THOC1: variants seen among roughly 807,000 people sequenced by gnomAD.
The protein encoded by THOC1 is THO complex subunit 1, also known as THO complex 1.
A neutral mutation model predicts 97.3 loss-of-function variants in THOC1; 29 were observed. The observed-to-expected ratio is 0.30, with a 90% CI of 0.22 to 0.41. The LOEUF (loss-of-function observed/expected upper bound fraction) is 0.41, where lower values mean the gene tolerates loss of function less well. Ranked by LOEUF, THOC1 falls within the 10% of genes least tolerant of loss-of-function variation. The probability of loss-of-function intolerance (pLI) is 1.00; values close to 1 mark genes in which losing one functional copy is unlikely to be tolerated. For missense variants in THOC1, 529 were observed against 761.9 expected, an observed-to-expected ratio of 0.69 and a Z score of 3.60; for synonymous variants, 255 against 257.0, an observed-to-expected ratio of 0.99 and a Z score of 0.07.
At chr18:265,243 T>A in intron 3 of THOC1, 60 bp downstream of exon 3, 1 of 1,403,732 alleles carries the variant, frequency 7.1e-7, no homozygotes, top group Non-Finnish European at 9.6e-7. Context: ...AAAGCAATTT[T>A]TAAATAACAT....
At chr18:224,434 C>G (rs1911203382) in intron 15 of THOC1, among the ~76,000 whole-genome samples, 1 of 151,896 alleles carries the variant, frequency 6.6e-6, no homozygotes, top group Non-Finnish European at 1.5e-5. Flanking sequence ...CAAAAATTAG[C>G]CAGGCATGGT....
chr18:252,998 A>G (rs72856271), intron 8 of THOC1, among the ~76,000 whole-genome samples: 32,786 of 152,198 alleles, frequency 0.22, 3,995 homozygotes, highest in South Asian at 0.35. Context: ...TCCAACCAAC[A>G]TATAATAAGT....
chr18:214,971 G>GA (rs1230107645), intron 20 of THOC1, 50 bp from the exon 21 acceptor site: 4 of 1,561,536 alleles, frequency 2.6e-6, no homozygotes, highest in Non-Finnish European at 3.5e-6. Flanking sequence ...GTATACAACA[G>GA]AAATGGAAAG....
chr18:265,248 T>A, intron 3 of THOC1, 55 bp downstream of exon 3: 1 of 1,421,508 alleles, frequency 7.0e-7, no homozygotes, highest in South Asian at 1.3e-5. Context: ...AATTTTTAAA[T>A]AACATGGTTT....
chr18:216,110 C>T (rs1440229471), intron 19 of THOC1: 3 of 168,320 alleles, frequency 1.8e-5, no homozygotes, highest in African/African-American at 4.8e-5. Flanking sequence ...CGTGCCACCA[C>T]ACCTGGCTAA....
chr18:228,903 C>T (rs1475232504), intron 11 of THOC1, among the ~76,000 whole-genome samples: 2 of 152,190 alleles, frequency 1.3e-5, no homozygotes, highest in Non-Finnish European at 2.9e-5. Context: ...ATTCTCTCTC[C>T]TACTCTTCAC....
chr18:216,416 T>C, intron 19 of THOC1, 70 bp downstream of exon 19: 6 of 1,521,822 alleles, frequency 3.9e-6, no homozygotes, highest in Non-Finnish European at 5.3e-6. Context: ...AGTTTTTTGC[T>C]CACATAGTGA....
chr18:251,655 A>C (rs947992940), intron 9 of THOC1, among the ~76,000 whole-genome samples: 3 of 152,186 alleles, frequency 2.0e-5, no homozygotes, highest in African/African-American at 7.2e-5. Context: ...CTAGGTAGTC[A>C]GATTCCCTCC....
rs1470404996 is a variant in THOC1, at chr18:236,346, GATT to G, written c.919-9448_919-9446del. ...GCTTTGCATAACTAGGAAAGAATAAGATTCTTTTTTTTTTTTTTTTTTTTTTTG... is the reference window on the plus strand; with the variant it reads ...GCTTTGCATAACTAGGAAAGAATAAGCTTTTTTTTTTTTTTTTTTTTTTTG... On this transcript the variant is annotated intron_variant, in intron 11 of 20. Transcript: ENST00000261600. Among the ~76,000 whole-genome samples the G allele has an allele frequency of 3.3e-3, 443 of 135,320 alleles. 1 individual carries two copies. Among genetic ancestry groups the G allele is most frequent in the African/African-American group, 0.011 (413 of 37,442 alleles). The allele number at this position is 135,320 out of a possible 152,430, so 88.8% of individuals were successfully genotyped here.
rs193241125 is a variant in THOC1 at position 257,661 on chromosome 18, A to C, written c.520+1519T>G. Among the ~76,000 whole-genome samples the C allele has an allele frequency of 4.0e-3, 612 of 152,320 alleles. 1 individual carries two copies. Among genetic ancestry groups the C allele is most frequent in the African/African-American group, 0.014 (578 of 41,574 alleles). On this transcript the variant is annotated intron_variant, in intron 7 of 20. Coordinates refer to ENST00000261600, the MANE Select transcript of THOC1 (RefSeq NM_005131.3). ...ATGATAACCAGACACACAAAGAGGC[A>C]AGATACCATGAGTGAGAAACAGTCA... is the stretch of plus-strand genomic sequence containing the variant.
rs1280754536 is a variant in THOC1 at position 260,321 on chromosome 18, A to T, written c.257-17T>A. The T allele has an allele frequency of 2.7e-6, 4 of 1,464,590 alleles. No individual in the cohort carries two copies. Among genetic ancestry groups the T allele is most frequent in the Non-Finnish European group, 3.6e-6 (4 of 1,101,936 alleles). The allele number at this position is 1,464,590 out of a possible 1,614,324, so 90.7% of individuals were successfully genotyped here. ...TACAAATACCTTCAAGTGGAGCACA[A>T]GCCAATTTAAAAGTTTAAAAAACTG... On this transcript the variant is annotated splice_polypyrimidine_tract_variant and intron_variant, in intron 4 of 20. Transcript: ENST00000261600.
chr18:246,911 C>T (rs979149708), intron 10 of THOC1, among the ~76,000 whole-genome samples: 5 of 112,114 alleles, frequency 4.5e-5, no homozygotes, highest in East Asian at 2.2e-4. Context: ...TGGGAGGCTC[C>T]GTCTCAAAAA....
At chr18:223,559 G>C in intron 16 of THOC1, 54 bp from the exon 17 acceptor site, 1 of 1,359,480 alleles carries the variant, frequency 7.4e-7, no homozygotes, top group Non-Finnish European at 1.0e-6. Flanking sequence ...ATCCTCATGT[G>C]CCTTGAAACT....
intron 4 of THOC1, among the ~76,000 whole-genome samples, chr18:261,548 G>A (rs1161544804): frequency 6.6e-6 from 1 of 152,188 alleles, no homozygotes; most frequent in Non-Finnish European, 1.5e-5. Flanking sequence ...CAAACAGTGA[G>A]CTCCACTAAT....
chr18:238,013 C>A (rs147806228), intron 11 of THOC1, among the ~76,000 whole-genome samples: 1 of 152,022 alleles, frequency 6.6e-6, no homozygotes, highest in Non-Finnish European at 1.5e-5. Flanking sequence ...ATTACAGGCA[C>A]GCACCACCAC....
chr18:258,432 C>T (rs1301523416), intron 7 of THOC1, among the ~76,000 whole-genome samples: 1 of 152,086 alleles, frequency 6.6e-6, no homozygotes, highest in Non-Finnish European at 1.5e-5. Flanking sequence ...TCTATATTAA[C>T]CCTGACCACA....
intron 4 of THOC1, 53 bp downstream of exon 4, chr18:263,973 A>G: frequency 7.3e-7 from 1 of 1,363,478 alleles, no homozygotes; most frequent in Non-Finnish European, 1.0e-6. Flanking sequence ...TTTTAAATAA[A>G]GCATGTCATG....
At position 260,294 on chromosome 18, in the gene THOC1, G is replaced by T. The variant is rs373718262; in HGVS notation, c.267C>A (p.Thr89=). ...CCAACAATACAAAAGGTGTAGATGC[G>T]GTACAAATACCTTCAAGTGGAGCAC... ...AIGGVTEGIC[T]ASTPFVLLGD... The change falls in exon 5 of 21, where the codon ACC becomes ACA. Residue 89 remains threonine, a synonymous_variant. Coordinates refer to ENST00000261600, the MANE Select transcript of THOC1 (RefSeq NM_005131.3). The T allele has an allele frequency of 2.4e-5, 37 of 1,561,534 alleles. No homozygotes were observed. The highest frequency in any genetic ancestry group is 5.8e-5 in the Admixed American group (3 of 51,658).
chr18:260,477 G>A (rs1020554643), intron 4 of THOC1, 173 bp from the exon 5 acceptor site: 11 of 449,612 alleles, frequency 2.4e-5, no homozygotes, highest in Admixed American at 2.2e-4. Context: ...ACATACTTAA[G>A]TAATTTTTGA....
Sources: allele counts gnomAD v4.1 joint callset (sites outside exome capture counted in the v4.1 genomes callset), GRCh38; gene constraint gnomAD v4.1.1; transcripts MANE v1.5; gene names NCBI Gene and HGNC (gene_info 2026-07-23, HGNC 2026-07-21).